The following FAM120C variants were observed in gnomAD, a reference collection of about 807,000 sequenced individuals.
FAM120C encodes the protein constitutive coactivator of PPAR-gamma-like protein 2.
FAM120C carries 14 observed loss-of-function variants against 71.2 expected under a neutral mutation model. That is an observed-to-expected ratio of 0.20 (90% CI 0.13 to 0.31). The LOEUF (loss-of-function observed/expected upper bound fraction) is 0.31, where lower values mean the gene tolerates loss of function less well. Among genes scored for constraint, FAM120C ranks in the 10% least tolerant of loss-of-function variants. The pLI is 1.00. For synonymous variants in FAM120C, 354 were observed against 353.2 expected (o/e 1.00, Z -0.03); for missense variants, 500 against 879.0 (o/e 0.57, Z 5.45).
intron 1 of FAM120C, among the ~76,000 whole-genome samples, chrX:54,176,787 C>A (rs373729943): frequency 8.9e-6 from 1 of 111,983 alleles, no homozygotes; most frequent in African/African-American, 3.2e-5. Context: ...ATCTCTCTCA[C>A]GGCAAACATT....
At chrX:54,136,124 G>C (rs987617942) in intron 5 of FAM120C, among the ~76,000 whole-genome samples, 1 of 110,000 alleles carries the variant, frequency 9.1e-6, no homozygotes, top group African/African-American at 3.3e-5. Flanking sequence ...TCAGCCTCCC[G>C]AGTAGCTGGG....
rs1167075030 is a variant in FAM120C, at chrX:54,071,724, G to GT, written c.*1308dup. On this transcript the variant is annotated 3_prime_UTR_variant, in exon 16 of 16. Transcript: ENST00000375180. ...GAGGGCTCTGTTCAAGATTAAGCTT[G>GT]TAACAACCCAAGAGTTTATTGTTCT... 1 of 111,688 alleles carries GT rather than the reference G, an allele frequency of 9.0e-6. No homozygotes were observed. Among genetic ancestry groups the GT allele is most frequent in the Non-Finnish European group, 1.9e-5 (1 of 53,130 alleles). The allele number at this position is 111,688 out of a possible 1,213,427, so 9.2% of individuals were successfully genotyped here.
At chrX:54,136,984 G>A (rs1233384832) in intron 4 of FAM120C, among the ~76,000 whole-genome samples, 1 of 108,571 alleles carries the variant, frequency 9.2e-6, no homozygotes, top group East Asian at 2.8e-4. Context: ...ACAGAGTCTC[G>A]CTCTGTCGCC....
chrX:54,159,768 T>C lies in FAM120C; in HGVS notation c.700-152A>G, dbSNP rs1557134174. Reference sequence around the variant, plus strand: ...TTCTTTTAACATTTTTTACTTTTTTTTTTTTTTTTTTTTAAATACAGAGAT... The same window carrying C: ...TTCTTTTAACATTTTTTACTTTTTTCTTTTTTTTTTTTTAAATACAGAGAT... On this transcript the variant is annotated intron_variant, in intron 1 of 15. Transcript: ENST00000375180. 3 of 596,498 alleles carry C rather than the reference T, an allele frequency of 5.0e-6. No individual in the cohort carries two copies. In the East Asian group the frequency reaches 1.2e-4, roughly 23 times the overall value. The allele number at this position is 596,498 out of a possible 1,213,427, so 49.2% of individuals were successfully genotyped here.
At chrX:54,159,071 T>C (rs1042796067) in intron 2 of FAM120C, among the ~76,000 whole-genome samples, 7 of 111,700 alleles carry the variant, frequency 6.3e-5, no homozygotes, top group Admixed American at 3.8e-4. Context: ...TAATAAAACA[T>C]TTGGCTTGAG....
chrX:54,117,405 AAAATAAAAT>A (rs2066976436), intron 9 of FAM120C, among the ~76,000 whole-genome samples: 3 of 105,714 alleles, frequency 2.8e-5, no homozygotes. Context: ...AAAATAAAAT[AAAATAAAAT>A]AAGGCCAGGC....
intron 10 of FAM120C, among the ~76,000 whole-genome samples, chrX:54,105,167 C>T (rs996401707): frequency 2.7e-5 from 3 of 111,608 alleles, no homozygotes; most frequent in African/African-American, 9.8e-5. Context: ...CAAGAAAATA[C>T]TGGCAAACCG....
At chrX:54,128,959 C>G (rs868979336) in intron 9 of FAM120C, among the ~76,000 whole-genome samples, 1 of 110,883 alleles carries the variant, frequency 9.0e-6, no homozygotes, top group Middle Eastern at 4.7e-3. Flanking sequence ...CCATTGTCAT[C>G]ATGGCCCGTT....
At chrX:54,077,673 AAAT>A (rs2066742115) in intron 15 of FAM120C, among the ~76,000 whole-genome samples, 5 of 111,288 alleles carry the variant, frequency 4.5e-5, no homozygotes, top group Admixed American at 9.7e-5. Context: ...TGTCTCAAAA[AAAT>A]AATAATAATA....
intron 14 of FAM120C, 130 bp from the exon 15 acceptor site, chrX:54,080,419 T>C: frequency 2.0e-6 from 1 of 506,699 alleles, no homozygotes; most frequent in South Asian, 2.9e-5. Context: ...TCAGTGTTAC[T>C]ACTGAACATC....
chrX:54,161,617 G>A (rs782008604), intron 1 of FAM120C, among the ~76,000 whole-genome samples: 2 of 112,010 alleles, frequency 1.8e-5, no homozygotes, highest in Non-Finnish European at 3.8e-5. Flanking sequence ...CCTCAGATCT[G>A]CTGGAATAAC....
At chrX:54,125,675 C>T (rs1220776871) in intron 9 of FAM120C, among the ~76,000 whole-genome samples, 1 of 112,857 alleles carries the variant, frequency 8.9e-6, no homozygotes, top group Non-Finnish European at 1.9e-5. Context: ...TCAACTTATT[C>T]TTCCTTTTCA....
intron 14 of FAM120C, 44 bp downstream of exon 14, chrX:54,081,278 T>C (rs1557121250): frequency 2.6e-6 from 3 of 1,159,868 alleles, no homozygotes; most frequent in South Asian, 4.0e-5. Flanking sequence ...GCCTAGGCAT[T>C]TTCCCAAGGG....
At chrX:54,078,595 G>A (rs1175075586) in intron 15 of FAM120C, among the ~76,000 whole-genome samples, 1 of 111,517 alleles carries the variant, frequency 9.0e-6, no homozygotes, top group African/African-American at 3.3e-5. Flanking sequence ...GATGCAGTGA[G>A]GGCTGGCTGT....
intron 4 of FAM120C, among the ~76,000 whole-genome samples, chrX:54,141,739 A>C (rs2067126915): frequency 9.0e-6 from 1 of 111,321 alleles, no homozygotes; most frequent in Admixed American, 9.7e-5. Context: ...AAAAACTCCT[A>C]GAAGTAATAA....
At chrX:54,167,997 G>GA (rs2067269199) in intron 1 of FAM120C, among the ~76,000 whole-genome samples, 1 of 109,532 alleles carries the variant, frequency 9.1e-6, no homozygotes, top group Non-Finnish European at 1.9e-5. Context: ...AACCTCAAGG[G>GA]AAAAAAGCTC....
intron 4 of FAM120C, among the ~76,000 whole-genome samples, chrX:54,138,818 A>C (rs781796789): frequency 1.8e-5 from 2 of 112,230 alleles, no homozygotes; most frequent in Non-Finnish European, 3.8e-5. Flanking sequence ...GACTGTCTAA[A>C]CAAACAAACA....
chrX:54,126,631 T>C (rs1008421211), intron 9 of FAM120C, among the ~76,000 whole-genome samples: 17 of 112,893 alleles, frequency 1.5e-4, no homozygotes, highest in Admixed American at 2.8e-4. Flanking sequence ...AGTTTCCTGA[T>C]AGTTCTTATC....
chrX:54,133,983 G>A lies in FAM120C; in HGVS notation c.1680C>T (p.Ser560=), dbSNP rs782687672. Residue 560 remains serine (S), a synonymous_variant, in exon 8 of 16, where the codon TCC becomes TCT. Transcript: ENST00000375180. ...CTCCAGTATCAACAGGCTGTGCCCA[G>A]GACCCTCTGTCACGATTGGGATTTC... The part of the protein sequence containing the change: ...EWGNPNRDRG[S]WAQPVDTGVS... The A allele has an allele frequency of 1.6e-4, 194 of 1,209,857 alleles. No individual in the cohort carries two copies. In the South Asian group the frequency reaches 3.2e-3, roughly 20 times the overall value.
Sources: allele counts gnomAD v4.1 joint callset (sites outside exome capture counted in the v4.1 genomes callset), GRCh38; gene constraint gnomAD v4.1.1; transcripts MANE v1.5; gene names NCBI Gene and HGNC (gene_info 2026-07-23, HGNC 2026-07-21).